Variants in RALY observed in about 807,000 individuals in gnomAD.
The protein encoded by RALY is RALY heterogeneous nuclear ribonucleoprotein.
In RALY, 15 loss-of-function variants were observed where a neutral mutation model predicts 30.7. The ratio of observed to expected loss-of-function variants is 0.49; its 90% CI spans 0.33 to 0.75. RALY has a LOEUF of 0.75. Ranked by LOEUF, RALY falls within the 30% of genes least tolerant of loss-of-function variation. The probability of loss-of-function intolerance (pLI) is 0.02; values close to 1 mark genes in which losing one functional copy is unlikely to be tolerated. For missense variants in RALY, 339 were observed against 414.3 expected (o/e 0.82, Z 1.58); for synonymous variants, 177 against 170.8 (o/e 1.04, Z -0.28).
intron 2 of RALY, among the ~76,000 whole-genome samples, chr20:34,033,430 G>C (rs1050928174): frequency 6.6e-6 from 1 of 152,192 alleles, no homozygotes. Context: ...CTCACAATTC[G>C]AATGTCTGGA....
At position 34,045,150 on chromosome 20, in the gene RALY, G is replaced by A. The variant is rs576772233; in HGVS notation, c.-10+13546G>A. Among the ~76,000 whole-genome samples the A allele has an allele frequency of 1.6e-3, 247 of 152,224 alleles. 2 individuals are homozygous for A. The highest frequency in any genetic ancestry group is 5.3e-3 in the African/African-American group (219 of 41,504). ...TGGTCTCAACATCTTGGGCTTAAGC[G>A]ATCCTCCTGCCTCGGAGGCCTCCCA... On this transcript the variant is annotated intron_variant, in intron 2 of 9. Transcript: ENST00000246194.
At chr20:34,025,898 TG>T (rs1196212705) in intron 1 of RALY, among the ~76,000 whole-genome samples, 5 of 119,630 alleles carry the variant, frequency 4.2e-5, no homozygotes, top group African/African-American at 1.3e-4. Context: ...GATTCCTGGT[TG>T]TTTTTTTTTT....
At chr20:34,056,989 A>G (rs1233573229) in intron 2 of RALY, among the ~76,000 whole-genome samples, 1 of 152,250 alleles carries the variant, frequency 6.6e-6, no homozygotes, top group Non-Finnish European at 1.5e-5. Flanking sequence ...TGTTTATAAT[A>G]GTGAGAAATT....
chr20:34,036,213 A>C (rs957317740), intron 2 of RALY, among the ~76,000 whole-genome samples: 1 of 152,066 alleles, frequency 6.6e-6, no homozygotes, highest in African/African-American at 2.4e-5. Context: ...AATTGATAAG[A>C]GCAGACAGCC....
At position 34,039,051 on chromosome 20, in the gene RALY, T is replaced by C. The variant is rs2284381; in HGVS notation, c.-10+7447T>C. Among the ~76,000 whole-genome samples the C allele has an allele frequency of 1.4e-3, 206 of 152,330 alleles. 3 individuals carry two copies. The East Asian group carries it at 0.037, about 27-fold the overall frequency. On this transcript the variant is annotated intron_variant, in intron 2 of 9. Transcript: ENST00000246194. ...AATGAGGTAGAAAGTTGGTCTGTAATTGCTGATGTTTCTTCCTGTTCTGTG... is the reference window on the plus strand; with the variant it reads ...AATGAGGTAGAAAGTTGGTCTGTAACTGCTGATGTTTCTTCCTGTTCTGTG...
At chr20:34,051,768 TTTG>T (rs915544361) in intron 2 of RALY, among the ~76,000 whole-genome samples, 12 of 151,978 alleles carry the variant, frequency 7.9e-5, no homozygotes, top group African/African-American at 1.2e-4. Context: ...GCTAATTTTT[TTTG>T]TTGTTGTTGT....
At chr20:34,005,515 A>T (rs2122990981) in intron 1 of RALY, among the ~76,000 whole-genome samples, 1 of 152,278 alleles carries the variant, frequency 6.6e-6, no homozygotes, top group South Asian at 2.1e-4. Context: ...CTCAAAAAAA[A>T]AAAAAATCTG....
rs1030359987 is a variant in RALY, at chr20:34,082,736, A to C, written c.*2831A>C. On this transcript the variant is annotated 3_prime_UTR_variant, in exon 10 of 10. Coordinates refer to ENST00000246194, the MANE Select transcript of RALY (RefSeq NM_016732.3). The stretch of plus-strand genomic sequence containing the variant: ...GCCCTTGGGTGGGAGGTTGGCTTCT[A>C]ACAGTGCATACACATGCCCTTCCTC... The C allele has an allele frequency of 1.1e-4, 16 of 152,232 alleles. No homozygotes were observed. The highest frequency in any genetic ancestry group is 3.9e-4 in the African/African-American group (16 of 41,456). 9.4% of individuals were successfully genotyped at this position (152,232 alleles called of 1,614,324 possible). A position where few individuals can be genotyped will look rare whatever the true frequency, so the allele number is the denominator to read the frequency against.
chr20:34,072,255 C>T lies in RALY; in HGVS notation c.181C>T (p.Gln61Ter), dbSNP rs755781978. ...TGTGCACAAGGGCTATGCCTTTGTTCAGTACTCCAATGAGCGCCATGCCCG... is the reference window on the plus strand; with the variant it reads ...TGTGCACAAGGGCTATGCCTTTGTTTAGTACTCCAATGAGCGCCATGCCCG... ...CSVHKGYAFV[Q>*]YSNERHARAA... Residue 61 changes from glutamine (Q) to a stop codon, truncating the protein, a stop_gained, in exon 3 of 10, where the codon CAG (glutamine) becomes TAG (stop). Transcript: ENST00000246194. LOFTEE classifies it high-confidence loss of function. The T allele has an allele frequency of 6.2e-7, 1 of 1,614,176 alleles. No homozygotes were observed. The highest frequency in any genetic ancestry group is 8.5e-7 in the Non-Finnish European group (1 of 1,180,050).
rs1031337220 is a variant in RALY, at chr20:34,081,177, C to T, written c.*1272C>T. 1 of 152,104 alleles carries T rather than the reference C, an allele frequency of 6.6e-6. No individual in the cohort carries two copies. Among genetic ancestry groups the T allele is most frequent in the Non-Finnish European group, 1.5e-5 (1 of 68,038 alleles). 9.4% of individuals were successfully genotyped at this position (152,104 alleles called of 1,614,324 possible). On this transcript the variant is annotated 3_prime_UTR_variant, in exon 10 of 10. Coordinates refer to ENST00000246194, the MANE Select transcript of RALY (RefSeq NM_016732.3). Reference sequence around the variant, plus strand: ...CCACTGTAATTTTTTTTCCTAATCACTCATAGGTTACAAGTACCTACCCTG... The same window carrying T: ...CCACTGTAATTTTTTTTCCTAATCATTCATAGGTTACAAGTACCTACCCTG...
chr20:34,070,239 G>C (rs1215019188), intron 2 of RALY, among the ~76,000 whole-genome samples: 1 of 152,134 alleles, frequency 6.6e-6, no homozygotes, highest in African/African-American at 2.4e-5. Context: ...TTAAGGTTAG[G>C]TTACTGAGAT....
intron 2 of RALY, among the ~76,000 whole-genome samples, chr20:34,056,859 TAA>T (rs1240783850): frequency 6.6e-6 from 1 of 152,236 alleles, no homozygotes; most frequent in Non-Finnish European, 1.5e-5. Context: ...GGAAAGCAGT[TAA>T]GCAATGTGTT....
At chr20:34,000,657 C>T (rs2030870838) in intron 1 of RALY, among the ~76,000 whole-genome samples, 1 of 152,158 alleles carries the variant, frequency 6.6e-6, no homozygotes, top group South Asian at 2.1e-4. Flanking sequence ...ACATCCACTG[C>T]CCCCTGTTCT....
rs977239983 is a variant in RALY, at chr20:34,030,207, A to G, written c.-92-1315A>G. Among the ~76,000 whole-genome samples the G allele has an allele frequency of 3.3e-5, 5 of 152,224 alleles. No individual in the cohort carries two copies. In the East Asian group the frequency reaches 9.6e-4, roughly 29 times the overall value. ...GTGAGATTAAGAGGGCAAGCCCTGG[A>G]GTTGGACTTCTGGGTTCAAATCCCA... is the stretch of plus-strand genomic sequence containing the variant. On this transcript the variant is annotated intron_variant, in intron 1 of 9. Transcript: ENST00000246194.
At chr20:34,032,584 T>C (rs116138597) in intron 2 of RALY, among the ~76,000 whole-genome samples, 1,756 of 151,794 alleles carry the variant, frequency 0.012, 34 homozygotes, top group African/African-American at 0.041. Flanking sequence ...ACTCCTGGGC[T>C]CGTGTGATTC....
intron 1 of RALY, among the ~76,000 whole-genome samples, chr20:34,016,814 G>A (rs1304605732): frequency 1.3e-5 from 2 of 152,250 alleles, no homozygotes; most frequent in Non-Finnish European, 2.9e-5. Context: ...GGGCATTTTA[G>A]GGCATTTGGC....
chr20:34,009,701 T>G (rs1391579803), intron 1 of RALY, among the ~76,000 whole-genome samples: 1 of 152,174 alleles, frequency 6.6e-6, no homozygotes, highest in African/African-American at 2.4e-5. Flanking sequence ...GTTCTTCATT[T>G]CTCTACTTTT....
rs1204122920 is a variant in RALY at position 34,081,761 on chromosome 20, C to G, written c.*1856C>G. The G allele has an allele frequency of 6.6e-6, 1 of 152,222 alleles. No individual in the cohort carries two copies. 9.4% of individuals were successfully genotyped at this position (152,222 alleles called of 1,614,324 possible). On this transcript the variant is annotated 3_prime_UTR_variant, in exon 10 of 10. Transcript: ENST00000246194. ...AGTGTAGCTCTGTGCTTTGATATTCCCAAGCTCTGCTGGGGCCTGACTAGG... is the reference window on the plus strand; with the variant it reads ...AGTGTAGCTCTGTGCTTTGATATTCGCAAGCTCTGCTGGGGCCTGACTAGG...
intron 1 of RALY, chr20:34,016,457 C>T (rs1324988398): frequency 6.6e-6 from 1 of 152,224 alleles, no homozygotes; most frequent in Non-Finnish European, 1.5e-5. Context: ...GATCCCCATA[C>T]TTAGCACAAG....
Sources: allele counts gnomAD v4.1 joint callset (sites outside exome capture counted in the v4.1 genomes callset), GRCh38; gene constraint gnomAD v4.1.1; transcripts MANE v1.5; gene names NCBI Gene and HGNC (gene_info 2026-07-23, HGNC 2026-07-21).